The following FBXO4 variants were observed in gnomAD, a reference collection of about 807,000 sequenced individuals.
FBXO4 encodes F-box only protein 4.
In FBXO4, 36 loss-of-function variants were observed where a neutral mutation model predicts 43.7. That is an observed-to-expected ratio of 0.82 (90% confidence interval 0.63 to 1.09). The LOEUF (loss-of-function observed/expected upper bound fraction) is 1.09, where lower values mean the gene tolerates loss of function less well. Among genes scored for constraint, FBXO4 ranks in the 50% least tolerant of loss-of-function variants. FBXO4 has a pLI of 0.00. For synonymous variants in FBXO4, 180 were observed against 165.6 expected (o/e 1.09, Z -0.67); for missense variants, 435 against 474.1 (o/e 0.92, Z 0.77).
At chr5:41,968,626 T>G in the FBXO4 span, among the ~76,000 whole-genome samples, 2 of 152,326 alleles carry the variant, frequency 1.3e-5, no homozygotes, top group East Asian at 3.9e-4. Context: ...CTGAAAAACA[T>G]TCATTTTAAA....
At chr5:42,005,762 A>G in the FBXO4 span, among the ~76,000 whole-genome samples, 1 of 152,108 alleles carries the variant, frequency 6.6e-6, no homozygotes, top group Admixed American at 6.6e-5. Flanking sequence ...GAGAATTTTT[A>G]ACCAAGTCTT....
At chr5:41,929,621 C>G (rs184463009) in intron 2 of FBXO4, 76 bp from the exon 3 acceptor site, 1 of 1,080,462 alleles carries the variant, frequency 9.3e-7, no homozygotes, top group East Asian at 2.5e-5. Flanking sequence ...AGCAAGTACT[C>G]AATAAATTAT....
At chr5:41,955,892 G>A in the FBXO4 span, among the ~76,000 whole-genome samples, 10 of 152,220 alleles carry the variant, frequency 6.6e-5, no homozygotes, top group East Asian at 5.8e-4. Flanking sequence ...GGTTGGCCTC[G>A]GTAGTAGAAA....
chr5:42,008,792 G>A, the FBXO4 span, among the ~76,000 whole-genome samples: 126 of 152,094 alleles, frequency 8.3e-4, 1 homozygote, highest in Admixed American at 1.4e-3. Context: ...TTCTAATTAC[G>A]TTTTATTGAC....
At chr5:42,016,345 C>A in the FBXO4 span, among the ~76,000 whole-genome samples, 2 of 151,864 alleles carry the variant, frequency 1.3e-5, no homozygotes, top group Non-Finnish European at 2.9e-5. Flanking sequence ...AGAAGGAAAG[C>A]TTTATTCCCC....
At chr5:41,930,378 T>A (rs1751648799) in intron 3 of FBXO4, among the ~76,000 whole-genome samples, 1 of 152,248 alleles carries the variant, frequency 6.6e-6, no homozygotes, top group South Asian at 2.1e-4. Flanking sequence ...TAGCCTTTGC[T>A]TTACTTATTT....
the FBXO4 span, among the ~76,000 whole-genome samples, chr5:41,997,256 A>G: frequency 6.6e-6 from 1 of 152,264 alleles, no homozygotes; most frequent in Admixed American, 6.5e-5. Context: ...TAAGCTTATG[A>G]TAATCCATTG....
At chr5:41,974,073 C>T in the FBXO4 span, among the ~76,000 whole-genome samples, 1 of 152,266 alleles carries the variant, frequency 6.6e-6, no homozygotes, top group East Asian at 1.9e-4. Context: ...TGCATCATCT[C>T]TCTAATTGTT....
intron 3 of FBXO4, 134 bp downstream of exon 3, chr5:41,930,051 A>G: frequency 3.0e-6 from 2 of 671,306 alleles, no homozygotes; most frequent in Non-Finnish European, 4.9e-6. Flanking sequence ...GAGCCCTACC[A>G]GGTTCCACTG....
chr5:42,013,492 A>C, the FBXO4 span, among the ~76,000 whole-genome samples: 1,433 of 152,152 alleles, frequency 9.4e-3, 18 homozygotes, highest in African/African-American at 0.033. Context: ...TCAGGAGAAA[A>C]CCTGGATTCT....
chr5:41,992,905 A>T, the FBXO4 span, among the ~76,000 whole-genome samples: 1 of 152,226 alleles, frequency 6.6e-6, no homozygotes, highest in South Asian at 2.1e-4. Flanking sequence ...AATGTTTTGT[A>T]TGCTGATTTT....
At chr5:41,984,293 T>A in the FBXO4 span, among the ~76,000 whole-genome samples, 1 of 152,204 alleles carries the variant, frequency 6.6e-6, no homozygotes, top group Non-Finnish European at 1.5e-5. Context: ...AATCTGATAA[T>A]GTTAGCTAGA....
chr5:41,952,258 T>C, the FBXO4 span: 3 of 152,354 alleles, frequency 2.0e-5, no homozygotes, highest in African/African-American at 7.2e-5. Context: ...CTCTCCACAG[T>C]GCAAAGCTGT....
At chr5:41,969,698 C>T in the FBXO4 span, among the ~76,000 whole-genome samples, 1 of 152,052 alleles carries the variant, frequency 6.6e-6, no homozygotes, top group African/African-American at 2.4e-5. Flanking sequence ...TGGTGAGTTG[C>T]ACACCTTAAC....
chr5:41,945,437 T>G (rs779129846), downstream of FBXO4, among the ~76,000 whole-genome samples: 4 of 152,178 alleles, frequency 2.6e-5, no homozygotes, highest in Non-Finnish European at 4.4e-5. Context: ...CTGAAACTAT[T>G]GCTATGGAAT....
the FBXO4 span, among the ~76,000 whole-genome samples, chr5:42,021,361 TG>T: frequency 6.6e-6 from 1 of 152,142 alleles, no homozygotes; most frequent in East Asian, 1.9e-4. Context: ...GAGAAGGAAA[TG>T]GAAGAATCAG....
At chr5:41,939,285 T>G (rs1751934164) in intron 5 of FBXO4, 156 bp from the exon 6 acceptor site, 6 of 563,294 alleles carry the variant, frequency 1.1e-5, no homozygotes, top group African/African-American at 1.9e-5. Context: ...GCTTTTAAAC[T>G]GTGGAGACAT....
the FBXO4 span, among the ~76,000 whole-genome samples, chr5:41,999,522 TAC>T: frequency 8.3e-3 from 912 of 109,986 alleles, 33 homozygotes; most frequent in Admixed American, 0.058. Flanking sequence ...TATATATATA[TAC>T]ATATATATAT....
the FBXO4 span, among the ~76,000 whole-genome samples, chr5:41,968,713 T>G: frequency 9.8e-5 from 15 of 152,352 alleles, no homozygotes; most frequent in Middle Eastern, 3.4e-3. Flanking sequence ...TATTCGATTT[T>G]TTTTTCTGTT....
Sources: gnomAD v4.1 joint callset for allele counts (sites outside exome capture counted in the v4.1 genomes callset) on GRCh38, gnomAD v4.1.1 for gene constraint, MANE v1.5 for transcripts, NCBI Gene and HGNC (gene_info 2026-07-23, HGNC 2026-07-21) for gene names.